The following HDAC4 variants were observed in gnomAD, a reference collection of about 807,000 sequenced individuals.
HDAC4 encodes the protein histone deacetylase 4, also known as histone deacetylase A.
Under a neutral mutation model 135.1 loss-of-function variants are expected in HDAC4, and 16 were observed. The observed-to-expected ratio is 0.12, with a 90% CI of 0.08 to 0.18. The LOEUF (loss-of-function observed/expected upper bound fraction) is 0.18, where lower values mean the gene tolerates loss of function less well. Among genes scored for constraint, HDAC4 ranks in the 10% least tolerant of loss-of-function variants. HDAC4 has a pLI of 1.00. For synonymous variants in HDAC4, 685 were observed against 653.4 expected, an observed-to-expected ratio of 1.05 and a Z score of -0.74; for missense variants, 1,143 against 1,511.8, an observed-to-expected ratio of 0.76 and a Z score of 4.05.
At chr2:239,263,429 C>T (rs1331196156) in intron 2 of HDAC4, among the ~76,000 whole-genome samples, 2 of 152,060 alleles carry the variant, frequency 1.3e-5, no homozygotes, top group African/African-American at 4.8e-5. Context: ...ACAGCTTCCC[C>T]CTCGGAGCTG....
intron 2 of HDAC4, among the ~76,000 whole-genome samples, chr2:239,260,905 C>T (rs559299756): frequency 2.0e-5 from 3 of 152,284 alleles, no homozygotes; most frequent in East Asian, 1.9e-4. Context: ...ATCCTGTCAG[C>T]GGCCACCAAG....
intron 2 of HDAC4, among the ~76,000 whole-genome samples, chr2:239,292,703 G>A (rs114690258): frequency 6.6e-5 from 10 of 152,156 alleles, no homozygotes; most frequent in South Asian, 2.1e-4. Context: ...AGGCTGGGTC[G>A]AGAGGATACT....
Position 239,296,248 on chromosome 2 carries a change from C to T in HDAC4, c.22+56430G>A, listed in dbSNP as rs889822099. Among the ~76,000 whole-genome samples the T allele has an allele frequency of 5.3e-5, 8 of 152,240 alleles. No individual in the cohort carries two copies. In the South Asian group the frequency reaches 6.2e-4, roughly 12 times the overall value. On this transcript the variant is annotated intron_variant, in intron 2 of 26. Coordinates refer to ENST00000543185, the MANE Select transcript of HDAC4 (RefSeq NM_001378414.1). ...ACATATGCAGGTATGCACACATGCA[C>T]GCACACAGAGGATGTGCTTAGCTGT...
At chr2:239,061,111 G>T (rs1425980586) in intron 24 of HDAC4, among the ~76,000 whole-genome samples, 1 of 152,108 alleles carries the variant, frequency 6.6e-6, no homozygotes, top group Non-Finnish European at 1.5e-5. Flanking sequence ...AACATTCACC[G>T]TTGGCACGGG....
chr2:239,389,482 A>G (rs187265616), intron 1 of HDAC4, among the ~76,000 whole-genome samples: 134 of 152,232 alleles, frequency 8.8e-4, no homozygotes, highest in Middle Eastern at 3.4e-3. Context: ...TTTAAGAGCT[A>G]TAACACTCAC....
chr2:239,197,521 C>T (rs2045471697), intron 3 of HDAC4, among the ~76,000 whole-genome samples: 1 of 152,170 alleles, frequency 6.6e-6, no homozygotes, highest in Non-Finnish European at 1.5e-5. Context: ...TCAAGGGTTC[C>T]CCTTTCCCAT....
chr2:239,053,173 G>A (rs1328029224), intron 26 of HDAC4, 37 bp from the exon 27 acceptor site: 1 of 1,612,406 alleles, frequency 6.2e-7, no homozygotes, highest in Admixed American at 1.7e-5. Flanking sequence ...GGGGGCGTGG[G>A]GCAGGTGCAC....
intron 2 of HDAC4, among the ~76,000 whole-genome samples, chr2:239,259,294 C>T (rs2049216111): frequency 6.6e-6 from 1 of 152,132 alleles, no homozygotes; most frequent in African/African-American, 2.4e-5. Flanking sequence ...ACCAAGAATA[C>T]ACAAAATTAG....
intron 2 of HDAC4, chr2:239,305,648 A>T (rs966193453): frequency 6.6e-6 from 1 of 152,542 alleles, no homozygotes; most frequent in African/African-American, 2.4e-5. Context: ...AGGTAAATGA[A>T]TAAGAACTGA....
chr2:239,099,679 C>G (rs1437954036), intron 16 of HDAC4, among the ~76,000 whole-genome samples: 1 of 152,234 alleles, frequency 6.6e-6, no homozygotes, highest in African/African-American at 2.4e-5. Flanking sequence ...CCAGCCCCAG[C>G]GGTGCTCCCC....
In HDAC4 at chr2:239,081,075, T is replaced by C. The variant is rs151192501; in HGVS notation, c.2750+20A>G. On this transcript the variant is annotated intron_variant, in intron 22 of 26. Transcript: ENST00000543185. ...GGAAAAGCTGCTACTTCAGGTGTCATGTGAAGCCGGGAGGCTCACCTGAAG... is the reference window on the plus strand; with the variant it reads ...GGAAAAGCTGCTACTTCAGGTGTCACGTGAAGCCGGGAGGCTCACCTGAAG... The C allele has an allele frequency of 1.1e-5, 18 of 1,574,246 alleles. No individual in the cohort carries two copies. Among genetic ancestry groups the C allele is most frequent in the Admixed American group, 1.7e-5 (1 of 59,486 alleles).
At chr2:239,072,162 C>T (rs1348628201) in intron 22 of HDAC4, among the ~76,000 whole-genome samples, 1 of 152,222 alleles carries the variant, frequency 6.6e-6, no homozygotes, top group Middle Eastern at 3.2e-3. Context: ...GCAGAATTCA[C>T]GTTGCTCTGA....
In HDAC4 at chr2:239,303,760, G is replaced by A. The variant is rs10204505; in HGVS notation, c.22+48918C>T. ...AGGCCTCACCCCTCACTCTTCAAAA[G>A]CGACTGCGACAGCTGCATCCCCCGT... On this transcript the variant is annotated intron_variant, in intron 2 of 26. Coordinates refer to ENST00000543185, the MANE Select transcript of HDAC4 (RefSeq NM_001378414.1). The surrounding 1 kb of genome is among the most constrained non-coding windows in gnomAD (Gnocchi z 5.1). 0.13 allele frequency among the ~76,000 whole-genome samples: 19,897 copies of A among 152,108 alleles called. 1,924 individuals carry two copies. Among genetic ancestry groups the A allele is most frequent in the East Asian group, 0.41 (2,137 of 5,152 alleles).
chr2:239,127,731 T>C (rs2040293394), intron 11 of HDAC4, among the ~76,000 whole-genome samples: 1 of 152,244 alleles, frequency 6.6e-6, no homozygotes, highest in Non-Finnish European at 1.5e-5. Context: ...TGAGGCAGCC[T>C]GCTGTTCCTG....
At chr2:239,248,609 T>C (rs1444084962) in intron 2 of HDAC4, among the ~76,000 whole-genome samples, 1 of 152,212 alleles carries the variant, frequency 6.6e-6, no homozygotes, top group Non-Finnish European at 1.5e-5. Context: ...TGAGAAACAA[T>C]AACAGCTAAG....
chr2:239,246,920 G>A (rs769013569), intron 2 of HDAC4, among the ~76,000 whole-genome samples: 30 of 152,258 alleles, frequency 2.0e-4, no homozygotes, highest in Non-Finnish European at 4.0e-4. Flanking sequence ...ACAGCGCTGG[G>A]AGCGTGCGAG....
At chr2:239,219,954 A>T (rs548076527) in intron 3 of HDAC4, among the ~76,000 whole-genome samples, 1 of 152,376 alleles carries the variant, frequency 6.6e-6, no homozygotes, top group South Asian at 2.1e-4. Context: ...GAGCAAACAC[A>T]CAGGAGGTGT....
At chr2:239,063,804 C>A (rs1486128481) in intron 24 of HDAC4, among the ~76,000 whole-genome samples, 1 of 152,254 alleles carries the variant, frequency 6.6e-6, no homozygotes, top group African/African-American at 2.4e-5. Flanking sequence ...AGCCACCGAA[C>A]CTCCCTCCTG....
intron 4 of HDAC4, among the ~76,000 whole-genome samples, chr2:239,189,025 C>T (rs76824681): frequency 0.011 from 1,710 of 152,314 alleles, 29 homozygotes; most frequent in African/African-American, 0.038. Context: ...TACAAACTTG[C>T]TATTTTAAAC....
Sources: gnomAD v4.1 joint callset for allele counts (sites outside exome capture counted in the v4.1 genomes callset) on GRCh38, gnomAD v4.1.1 for gene constraint, Gnocchi (gnomAD v3.1) non-coding constraint, MANE v1.5 for transcripts, NCBI Gene and HGNC (gene_info 2026-07-23, HGNC 2026-07-21) for gene names.